GATA2: variants seen among roughly 807,000 people sequenced by gnomAD.
GATA2 encodes endothelial transcription factor GATA-2.
GATA2 carries 6 observed loss-of-function variants against 35.7 expected under a neutral mutation model. That is an observed-to-expected ratio of 0.17 (90% CI 0.09 to 0.33). The LOEUF (loss-of-function observed/expected upper bound fraction) is 0.33, where lower values mean the gene tolerates loss of function less well. GATA2 is among the 10% of genes least tolerant of loss of function. GATA2 has a pLI of 1.00. For missense variants in GATA2, 541 were observed against 656.6 expected, an observed-to-expected ratio of 0.82 and a Z score of 1.92; for synonymous variants, 313 against 274.9, an observed-to-expected ratio of 1.14 and a Z score of -1.37.
At chr3:128,483,105 G>A (rs2068651821) in intron 4 of GATA2, among the ~76,000 whole-genome samples, 1 of 152,140 alleles carries the variant, frequency 6.6e-6, no homozygotes, top group East Asian at 1.9e-4. Flanking sequence ...CGCTCCAGGG[G>A]AAAAAAAGGC....
Position 128,486,091 on chromosome 3 carries a change from G to T in GATA2, c.507C>A (p.His169Gln), listed in dbSNP as rs1392717588. 1.9e-6 allele frequency: 3 copies of T among 1,613,892 alleles called. No individual in the cohort carries two copies. Among genetic ancestry groups the T allele is most frequent in the East Asian group, 2.2e-5 (1 of 44,868 alleles). The part of the protein sequence containing the change: ...LTPTAAHSGS[H>Q]LFGFPPTPPK... Reference sequence around the variant, plus strand: ...GTGGCGTGGGTGGGAAGCCGAAAAGGTGGGAGCCAGAGTGGGCTGCTGTAG... The same window carrying T: ...GTGGCGTGGGTGGGAAGCCGAAAAGTTGGGAGCCAGAGTGGGCTGCTGTAG... The change falls in exon 3 of 6, where the codon CAC becomes CAA. Residue 169 changes from histidine (H) to glutamine (Q), a missense_variant. By Grantham distance (24) the His-to-Gln change is conservative (BLOSUM62 0). Around this residue, in one of 5 missense-constraint regions of GATA2, gnomAD observed 389 missense variants for 396.9 expected, o/e 0.98. Coordinates refer to ENST00000341105, the MANE Select transcript of GATA2 (RefSeq NM_032638.5).
chr3:128,486,138 T>C lies in GATA2; in HGVS notation c.460A>G (p.Ser154Gly), dbSNP rs1559987448. 1.9e-6 allele frequency: 3 copies of C among 1,595,744 alleles called. No individual in the cohort carries two copies. Among genetic ancestry groups the C allele is most frequent in the Non-Finnish European group, 2.6e-6 (3 of 1,172,318 alleles). ...GTAGGGGTGAGGGAGGCCACTGAGC[T>C]CCCGCTGCCTCCCCCGCTCCCACCC... The part of the protein sequence containing the change: ...AGGGSGGGSG[S>G]SVASLTPTAA... Residue 154 changes from serine (S) to glycine (G), a missense_variant, in exon 3 of 6, where the codon AGC becomes GGC. Ser to Gly is a moderately conservative substitution (Grantham distance 56, BLOSUM62 0). Transcript: ENST00000341105.
intron 1 of GATA2, chr3:128,490,545 G>A (rs1383514032): frequency 6.6e-6 from 1 of 152,266 alleles, no homozygotes; most frequent in Non-Finnish European, 1.5e-5. Context: ...TAGGATGCGG[G>A]ACTGCTGCAT....
Position 128,481,307 on chromosome 3 carries a change from T to A in GATA2, c.1155A>T (p.Pro385=). ...GGATCCCTTCCTTCTTCATGGTCAG[T>A]GGCCTGTTAACCTAGAGGCAACCAC... ...LYYKLHNVNR[P]LTMKKEGIQT... The change falls in exon 6 of 6, where the codon CCA becomes CCT. Residue 385 remains proline (P), a synonymous_variant. Transcript: ENST00000341105. The A allele has an allele frequency of 6.2e-7, 1 of 1,613,334 alleles. No homozygotes were observed.
chr3:128,485,584 A>T (rs535916063), intron 3 of GATA2, 143 bp downstream of exon 3: 1 of 1,072,874 alleles, frequency 9.3e-7, no homozygotes, highest in East Asian at 2.6e-5. Context: ...GGTCTCAAAC[A>T]TCTGCTGGGG....
At position 128,486,154 on chromosome 3, in the gene GATA2, G is replaced by A. The variant is rs1399340424; in HGVS notation, c.444C>T (p.Ser148=). 1 of 1,580,928 alleles carries A rather than the reference G, an allele frequency of 6.3e-7. No homozygotes were observed. Among genetic ancestry groups the A allele is most frequent in the South Asian group, 1.1e-5 (1 of 87,096 alleles). The change falls in exon 3 of 6, where the codon AGC becomes AGT. Residue 148 remains serine, a synonymous_variant. Transcript: ENST00000341105. ...CCACTGAGCTCCCGCTGCCTCCCCCGCTCCCACCCCCAGCCCCTGGGTACA... is the reference window on the plus strand; with the variant it reads ...CCACTGAGCTCCCGCTGCCTCCCCCACTCCCACCCCCAGCCCCTGGGTACA... ...LSVYPGAGGG[S]GGGSGSSVAS...
intron 1 of GATA2, chr3:128,490,127 C>G (rs1276186395): frequency 6.6e-6 from 1 of 152,236 alleles, no homozygotes; most frequent in Non-Finnish European, 1.5e-5. Context: ...CTCCCCGTTC[C>G]GTGTGTATTC....
chr3:128,492,095 G>A (rs2068774431), intron 1 of GATA2: 1 of 152,218 alleles, frequency 6.6e-6, no homozygotes, highest in Admixed American at 6.5e-5. Context: ...CCCGACCTCG[G>A]GAGAGGAGGC....
At chr3:128,485,137 G>C (rs2068677990) in intron 3 of GATA2, among the ~76,000 whole-genome samples, 1 of 152,186 alleles carries the variant, frequency 6.6e-6, no homozygotes, top group Admixed American at 6.5e-5. Context: ...GGGAGGGAGA[G>C]GGAAGGGCCT....
Position 128,485,788 on chromosome 3 carries a change from G to C in GATA2, c.810C>G (p.Phe270Leu), listed in dbSNP as rs2068686630. Reference sequence around the variant, plus strand: ...TGAAGCTGGAGGCCGGTCCCCCCAGGAAGCCTCCGGGGTGGAAGAGTCCGC... The same window carrying C: ...TGAAGCTGGAGGCCGGTCCCCCCAGCAAGCCTCCGGGGTGGAAGAGTCCGC... Reference protein sequence around the residue: ...YSSGLFHPGGFLGGPASSFTP... With the variant: ...YSSGLFHPGGLLGGPASSFTP... The change falls in exon 3 of 6, where the codon TTC becomes TTG. Residue 270 changes from phenylalanine (F) to leucine (L), a missense_variant. This residue lies in a region of GATA2 where 389 missense variants were observed against 396.9 expected (regional missense o/e 0.98). Transcript: ENST00000341105. The C allele has an allele frequency of 6.2e-7, 1 of 1,614,072 alleles. No individual in the cohort carries two copies. The highest frequency in any genetic ancestry group is 8.5e-7 in the Non-Finnish European group (1 of 1,179,984).
At chr3:128,484,868 A>T (rs1403247835) in intron 3 of GATA2, among the ~76,000 whole-genome samples, 1 of 152,156 alleles carries the variant, frequency 6.6e-6, no homozygotes, top group East Asian at 1.9e-4. Flanking sequence ...TTCTTGATTT[A>T]GTTTAAACTA....
At position 128,486,973 on chromosome 3, in the gene GATA2, T is replaced by C. The variant is rs1303947441; in HGVS notation, c.59A>G (p.Gln20Arg). ...WMAHPAVLNA[Q>R]HPDSHHPGLA... ...GCCCGGGTGGTGTGAGTCGGGGTGCTGCGCATTCAGCACGGCCGGGTGCGC... is the reference window on the plus strand; with the variant it reads ...GCCCGGGTGGTGTGAGTCGGGGTGCCGCGCATTCAGCACGGCCGGGTGCGC... Residue 20 changes from glutamine (Q) to arginine (R), a missense_variant, in exon 2 of 6, where the codon CAG (glutamine) becomes CGG (arginine). This residue lies in a region of GATA2 where 389 missense variants were observed against 396.9 expected (regional missense o/e 0.98). Transcript: ENST00000341105. 1 of 1,610,902 alleles carries C rather than the reference T, an allele frequency of 6.2e-7. No homozygotes were observed. Among genetic ancestry groups the C allele is most frequent in the East Asian group, 2.2e-5 (1 of 44,774 alleles).
intron 1 of GATA2, among the ~76,000 whole-genome samples, chr3:128,487,306 A>C (rs1209030690): frequency 6.6e-6 from 1 of 152,198 alleles, no homozygotes; most frequent in Non-Finnish European, 1.5e-5. Flanking sequence ...ACACCCGTGC[A>C]CATGGGGTCA....
At chr3:128,481,748 C>T in intron 5 of GATA2, 71 bp downstream of exon 5, 1 of 1,551,128 alleles carries the variant, frequency 6.4e-7, no homozygotes, top group Non-Finnish European at 8.7e-7. Flanking sequence ...TGGCTGGGGC[C>T]TCTTGCCTGG....
chr3:128,483,787 G>T lies in GATA2; in HGVS notation c.1017+73C>A, dbSNP rs1376125389. 1.0e-5 allele frequency: 16 copies of T among 1,600,156 alleles called. No homozygotes were observed. The East Asian group carries it at 3.1e-4, about 31-fold the overall frequency. ...CGGCAAAGCGTCTGCATTTGAAGGA[G>T]TTTTTTTCCCCTGTAATTAACCGCC... On this transcript the variant is annotated intron_variant, in intron 4 of 5. Transcript: ENST00000341105.
chr3:128,484,044 C>T, intron 3 of GATA2, 39 bp from the exon 4 acceptor site: 1 of 1,604,238 alleles, frequency 6.2e-7, no homozygotes, highest in South Asian at 1.1e-5. Context: ...GCCTGCTTAA[C>T]CGGCAAGTTC....
rs2068600165 is a variant in GATA2, at chr3:128,479,748, G to A, written c.*1271C>T. 1.3e-5 allele frequency: 3 copies of A among 233,498 alleles called. No homozygotes were observed. Among genetic ancestry groups the A allele is most frequent in the Admixed American group, 5.6e-5 (1 of 17,772 alleles). The allele number at this position is 233,498 out of a possible 1,614,324, so 14.5% of individuals were successfully genotyped here. A position where few individuals can be genotyped will look rare whatever the true frequency, so the allele number is the denominator to read the frequency against. ...GGCCCCTCACAGGCCACCACACCCC[G>A]CCGTCACCGCATACAGAATCTAAGC... On this transcript the variant is annotated 3_prime_UTR_variant, in exon 6 of 6. Transcript: ENST00000341105.
chr3:128,482,360 C>T (rs1417834035), intron 4 of GATA2, among the ~76,000 whole-genome samples: 2 of 152,180 alleles, frequency 1.3e-5, no homozygotes, highest in African/African-American at 2.4e-5. Context: ...TCCTCTAGCA[C>T]GACTCCGCTC....
At chr3:128,485,575 G>T (rs2068683404) in intron 3 of GATA2, 152 bp downstream of exon 3, 3 of 973,478 alleles carry the variant, frequency 3.1e-6, no homozygotes, top group Non-Finnish European at 4.5e-6. Flanking sequence ...TGACCCGGGG[G>T]TCTCAAACAT....
Sources: gnomAD v4.1 joint callset for allele counts (sites outside exome capture counted in the v4.1 genomes callset) on GRCh38, gnomAD v4.1.1 for gene constraint, gnomAD v4.1.1 regional missense constraint, MANE v1.5 for transcripts, NCBI Gene and HGNC (gene_info 2026-07-23, HGNC 2026-07-21) for gene names.